ADAM9: variants seen among roughly 807,000 people sequenced by gnomAD.
ADAM9 encodes the protein ADAM metallopeptidase domain 9.
In ADAM9, 54 loss-of-function variants were observed where a neutral mutation model predicts 108.1. The ratio of observed to expected loss-of-function variants is 0.50; its 90% CI spans 0.40 to 0.63. ADAM9 has a LOEUF of 0.63. ADAM9 is among the 20% of genes least tolerant of loss of function. The probability of loss-of-function intolerance (pLI) is 0.00; values close to 1 mark genes in which losing one functional copy is unlikely to be tolerated. For missense variants in ADAM9, 830 were observed against 997.7 expected (o/e 0.83, Z 2.26); for synonymous variants, 316 against 336.0 (o/e 0.94, Z 0.65).
intron 18 of ADAM9, among the ~76,000 whole-genome samples, chr8:39,088,199 A>T (rs1488802979): frequency 6.6e-6 from 1 of 152,094 alleles, no homozygotes; most frequent in Non-Finnish European, 1.5e-5. Flanking sequence ...GTTCAAACCC[A>T]CATTGTTCCA....
At chr8:39,101,819 A>G (rs754568660) in intron 20 of ADAM9, 44 bp from the exon 21 acceptor site, 2 of 1,426,090 alleles carry the variant, frequency 1.4e-6, no homozygotes, top group Non-Finnish European at 2.0e-6. Flanking sequence ...AATCATATTT[A>G]TGAGCACATA....
chr8:39,019,856 A>T (rs1369408936), intron 7 of ADAM9, among the ~76,000 whole-genome samples: 1 of 152,238 alleles, frequency 6.6e-6, no homozygotes, highest in Non-Finnish European at 1.5e-5. Flanking sequence ...GGATTTGTAC[A>T]TTATAGGTTC....
intron 18 of ADAM9, among the ~76,000 whole-genome samples, chr8:39,085,407 C>T (rs1265489546): frequency 6.6e-6 from 1 of 152,028 alleles, no homozygotes; most frequent in Non-Finnish European, 1.5e-5. Context: ...TTATATTTAC[C>T]CATATAATTA....
intron 12 of ADAM9, among the ~76,000 whole-genome samples, chr8:39,046,323 C>A (rs1306734802): frequency 1.3e-5 from 2 of 152,078 alleles, no homozygotes; most frequent in Non-Finnish European, 2.9e-5. Context: ...TTGTTTCCTG[C>A]AACTTTACTG....
intron 9 of ADAM9, among the ~76,000 whole-genome samples, chr8:39,024,976 G>A (rs766339188): frequency 2.6e-5 from 4 of 152,116 alleles, no homozygotes; most frequent in South Asian, 2.1e-4. Flanking sequence ...GGAGGTGAGG[G>A]AATGAGTCTG....
Position 38,997,306 on chromosome 8 carries a change from G to A in ADAM9, c.97+146G>A, listed in dbSNP as rs559315228. On this transcript the variant is annotated intron_variant, in intron 1 of 21. Transcript: ENST00000487273. ...GGGCGCGGCCGCTCCAGGTGTGTGC[G>A]GACCGGGGTCGCACCCGAGGCGCGG... The A allele has an allele frequency of 4.2e-6, 4 of 944,236 alleles. No individual in the cohort carries two copies. The African/African-American group carries it at 5.0e-5, about 12-fold the overall frequency. The allele number at this position is 944,236 out of a possible 1,614,324, so 58.5% of individuals were successfully genotyped here.
At chr8:39,060,074 T>C (rs148942073) in intron 14 of ADAM9, among the ~76,000 whole-genome samples, 1 of 152,360 alleles carries the variant, frequency 6.6e-6, no homozygotes, top group African/African-American at 2.4e-5. Context: ...CAGTTTATCA[T>C]GGGCAACTCA....
chr8:39,052,855 A>T (rs564229963), intron 12 of ADAM9, among the ~76,000 whole-genome samples: 2 of 152,296 alleles, frequency 1.3e-5, no homozygotes, highest in Admixed American at 6.5e-5. Flanking sequence ...AATGTCCCGG[A>T]GTAGAATGAC....
At chr8:39,030,561 G>T (rs532059020) in intron 11 of ADAM9, among the ~76,000 whole-genome samples, 14 of 152,318 alleles carry the variant, frequency 9.2e-5, no homozygotes, top group African/African-American at 3.4e-4. Flanking sequence ...ATAAGTGTCC[G>T]TGTGCAGGGT....
At chr8:39,032,532 A>G (rs752499817) in intron 11 of ADAM9, among the ~76,000 whole-genome samples, 3 of 152,278 alleles carry the variant, frequency 2.0e-5, no homozygotes, top group Non-Finnish European at 4.4e-5. Context: ...GGAAAAGCAC[A>G]GTATTTGGGT....
intron 6 of ADAM9, 24 bp downstream of exon 6, chr8:39,017,438 A>G (rs1836572633): frequency 2.5e-6 from 4 of 1,604,826 alleles, no homozygotes; most frequent in Non-Finnish European, 3.4e-6. Context: ...ATAATTCTTC[A>G]TGGCTCAGAC....
intron 16 of ADAM9, among the ~76,000 whole-genome samples, chr8:39,081,433 A>G (rs1355181569): frequency 1.3e-5 from 2 of 152,236 alleles, no homozygotes; most frequent in East Asian, 3.8e-4. Flanking sequence ...CTATGAATCA[A>G]TTATTGACAG....
intron 15 of ADAM9, chr8:39,075,777 T>C (rs1838834251): frequency 6.6e-6 from 1 of 152,258 alleles, no homozygotes; most frequent in South Asian, 2.1e-4. Flanking sequence ...GTCTACTTTA[T>C]GCTACACTTT....
At chr8:39,048,121 A>G (rs536422132) in intron 12 of ADAM9, among the ~76,000 whole-genome samples, 36 of 152,120 alleles carry the variant, frequency 2.4e-4, no homozygotes, top group Admixed American at 1.0e-3. Context: ...GGGTTTCGCC[A>G]TGTTGGCCAG....
At chr8:38,998,864 A>G (rs894803506) in intron 1 of ADAM9, among the ~76,000 whole-genome samples, 2 of 152,180 alleles carry the variant, frequency 1.3e-5, no homozygotes, top group Admixed American at 1.3e-4. Flanking sequence ...AGATCAAACT[A>G]AGGTAGGTTG....
chr8:39,054,620 AAAG>A (rs1372913121), intron 13 of ADAM9, 47 bp downstream of exon 13: 4 of 1,499,512 alleles, frequency 2.7e-6, no homozygotes, highest in Non-Finnish European at 3.6e-6. Context: ...AAAAAAAAAA[AAAG>A]AAAACCTGTG....
rs750724868 is a variant in ADAM9 at position 39,017,350 on chromosome 8, A to G, written c.542A>G (p.Asp181Gly). The change falls in exon 6 of 22, where the codon GAT becomes GGT. Residue 181 changes from aspartate to glycine, a missense_variant. Physicochemically the swap from Asp to Gly is moderately conservative, Grantham distance 94 (BLOSUM62 -1). Around this residue, in one of 3 missense-constraint regions of ADAM9, gnomAD observed 211 missense variants for 222.2 expected, o/e 0.95. Coordinates refer to ENST00000487273, the MANE Select transcript of ADAM9 (RefSeq NM_003816.3). ...CTGAAATGTGGAGTTTCCAACAAGGATATAGAGAAAGAAACTGCAAAGGAT... is the reference window on the plus strand; with the variant it reads ...CTGAAATGTGGAGTTTCCAACAAGGGTATAGAGAAAGAAACTGCAAAGGAT... ...EPLKCGVSNKDIEKETAKDEE... is the reference protein window; with the variant it reads ...EPLKCGVSNKGIEKETAKDEE... 1.2e-6 allele frequency: 2 copies of G among 1,614,162 alleles called. No individual in the cohort carries two copies. The highest frequency in any genetic ancestry group is 1.7e-6 in the Non-Finnish European group (2 of 1,180,026).
intron 12 of ADAM9, among the ~76,000 whole-genome samples, chr8:39,047,251 G>A (rs1837804067): frequency 6.6e-6 from 1 of 152,166 alleles, no homozygotes. Flanking sequence ...ACATTGGCCT[G>A]TAGTTTTCTA....
At chr8:39,003,750 G>C (rs187903335) in intron 1 of ADAM9, among the ~76,000 whole-genome samples, 101 of 152,252 alleles carry the variant, frequency 6.6e-4, no homozygotes, top group Admixed American at 3.2e-3. Context: ...GTCAATATCA[G>C]AATAACAGCC....
Sources: gnomAD v4.1 joint callset for allele counts (sites outside exome capture counted in the v4.1 genomes callset) on GRCh38, gnomAD v4.1.1 for gene constraint, gnomAD v4.1.1 regional missense constraint, MANE v1.5 for transcripts, NCBI Gene and HGNC (gene_info 2026-07-23, HGNC 2026-07-21) for gene names.